The following RPS6KA3 variants were observed in gnomAD, a reference collection of about 807,000 sequenced individuals.
The protein encoded by RPS6KA3 is ribosomal protein S6 kinase alpha-3.
Under a neutral mutation model 67.2 loss-of-function variants are expected in RPS6KA3, and 4 were observed. That is an observed-to-expected ratio of 0.06 (90% confidence interval 0.03 to 0.14). The LOEUF (loss-of-function observed/expected upper bound fraction) is 0.14. Among genes scored for constraint, RPS6KA3 ranks in the 10% least tolerant of loss-of-function variants. The probability of loss-of-function intolerance (pLI) is 1.00; values close to 1 mark genes in which losing one functional copy is unlikely to be tolerated. For synonymous variants in RPS6KA3, 182 were observed against 183.7 expected (o/e 0.99, Z 0.07); for missense variants, 204 against 559.0 (o/e 0.36, Z 6.40).
At chrX:20,211,460 C>T (rs1199387274) in intron 2 of RPS6KA3, among the ~76,000 whole-genome samples, 1 of 109,854 alleles carries the variant, frequency 9.1e-6, no homozygotes, top group Non-Finnish European at 1.9e-5. Context: ...GGCTTATGAC[C>T]CTGGTCTTTG....
chrX:20,222,729 T>C (rs2148761937), intron 2 of RPS6KA3, among the ~76,000 whole-genome samples: 1 of 111,849 alleles, frequency 8.9e-6, no homozygotes, highest in South Asian at 3.7e-4. Flanking sequence ...GTATGAGATA[T>C]AGTGTCCAAT....
intron 3 of RPS6KA3, among the ~76,000 whole-genome samples, chrX:20,205,402 A>G (rs1242074020): frequency 8.9e-6 from 1 of 112,915 alleles, no homozygotes; most frequent in East Asian, 2.8e-4. Flanking sequence ...TCAGGCTATT[A>G]GCACAAAATT....
intron 1 of RPS6KA3, among the ~76,000 whole-genome samples, chrX:20,235,221 G>A (rs2069376928): frequency 9.0e-6 from 1 of 110,632 alleles, no homozygotes. Flanking sequence ...AGAAAATTAA[G>A]CCCAATCTCT....
chrX:20,177,651 A>T (rs1047362554), intron 10 of RPS6KA3, among the ~76,000 whole-genome samples: 1 of 112,520 alleles, frequency 8.9e-6, no homozygotes, highest in African/African-American at 3.2e-5. Context: ...ACAGTGGGAA[A>T]GCCAATTATT....
intron 1 of RPS6KA3, among the ~76,000 whole-genome samples, chrX:20,265,160 G>A (rs1411851990): frequency 9.0e-6 from 1 of 111,407 alleles, no homozygotes; most frequent in Non-Finnish European, 1.9e-5. Flanking sequence ...GATCCAAGTC[G>A]CAAAATACTA....
Position 20,167,667 on chromosome X carries a change from T to C in RPS6KA3, c.1524A>G (p.Gln508=), listed in dbSNP as rs1278680242. The C allele has an allele frequency of 5.0e-6, 6 of 1,200,109 alleles. No homozygotes were observed. In the African/African-American group the frequency reaches 1.1e-4, roughly 21 times the overall value. Residue 508 remains glutamine, a synonymous_variant, in exon 17 of 22, where the codon CAA becomes CAG. Coordinates refer to ENST00000379565, the MANE Select transcript of RPS6KA3 (RefSeq NM_004586.3). Reference sequence around the variant, plus strand: ...TGGCCTCTCGTTCAGAGAAAAATTTTTGTCTAAGAATTTTATCCAGCAATT... The same window carrying C: ...TGGCCTCTCGTTCAGAGAAAAATTTCTGTCTAAGAATTTTATCCAGCAATT... ...GGELLDKILR[Q]KFFSEREASA...
At chrX:20,227,134 C>T (rs189011289) in intron 2 of RPS6KA3, among the ~76,000 whole-genome samples, 38 of 111,307 alleles carry the variant, frequency 3.4e-4, no homozygotes, top group African/African-American at 1.1e-3. Context: ...CACTTCTATT[C>T]CCCCACCTCT....
intron 15 of RPS6KA3, among the ~76,000 whole-genome samples, chrX:20,171,244 G>T (rs1049234994): frequency 2.1e-4 from 24 of 111,983 alleles, no homozygotes; most frequent in African/African-American, 7.8e-4. Flanking sequence ...GTTATACGTG[G>T]ATTTTCAACT....
chrX:20,161,629 G>T lies in RPS6KA3; in HGVS notation c.1959+15C>A. ...GTTATTTTCTCAAAATCTTATAATA[G>T]GAAGTGATACTTACCTTTGCTGTGT... On this transcript the variant is annotated intron_variant, in intron 20 of 21. Transcript: ENST00000379565. 1.1e-6 allele frequency: 1 copy of T among 897,910 alleles called. No homozygotes were observed. The highest frequency in any genetic ancestry group is 2.0e-5 in the African/African-American group (1 of 51,236). The allele number at this position is 897,910 out of a possible 1,213,427, so 74.0% of individuals were successfully genotyped here. A position where few individuals can be genotyped will look rare whatever the true frequency, so the allele number is the denominator to read the frequency against.
In RPS6KA3 at chrX:20,186,343, G is replaced by C. The variant is rs2230488; in HGVS notation, c.798C>G (p.Leu266=). 1 of 1,175,722 alleles carries C rather than the reference G, an allele frequency of 8.5e-7. No homozygotes were observed. The highest frequency in any genetic ancestry group is 1.8e-5 in the African/African-American group (1 of 55,360). Residue 266 remains leucine, a synonymous_variant, in exon 10 of 22, where the codon CTC becomes CTG. Coordinates refer to ENST00000379565, the MANE Select transcript of RPS6KA3 (RefSeq NM_004586.3). ...CTTTTCGATCTTTTCCTTGGAAAGG[G>C]AGTGTACCAGTAAGCATTTCAAACT... ...VLMFEMLTGT[L]PFQGKDRKET... is the part of the protein sequence containing the mutation.
At chrX:20,184,266 C>G (rs2067917366) in intron 10 of RPS6KA3, among the ~76,000 whole-genome samples, 2 of 111,502 alleles carry the variant, frequency 1.8e-5, no homozygotes, top group Non-Finnish European at 3.8e-5. Flanking sequence ...CCAGGCTGGT[C>G]TCGAACTCCT....
chrX:20,259,534 T>A (rs1196767941), intron 1 of RPS6KA3, among the ~76,000 whole-genome samples: 1 of 111,937 alleles, frequency 8.9e-6, no homozygotes, highest in Non-Finnish European at 1.9e-5. Flanking sequence ...ACAAAACTCT[T>A]GACAGTTAAA....
intron 2 of RPS6KA3, among the ~76,000 whole-genome samples, chrX:20,226,357 C>T (rs1003822791): frequency 1.8e-5 from 2 of 111,374 alleles, no homozygotes; most frequent in South Asian, 7.5e-4. Flanking sequence ...AGAGACATCA[C>T]AGGATTAACT....
At chrX:20,250,464 G>A (rs957347369) in intron 1 of RPS6KA3, among the ~76,000 whole-genome samples, 1 of 111,837 alleles carries the variant, frequency 8.9e-6, no homozygotes, top group Non-Finnish European at 1.9e-5. Flanking sequence ...CAAGGTGCTG[G>A]GACTACACCA....
At chrX:20,158,249 C>T (rs995369650) in intron 20 of RPS6KA3, among the ~76,000 whole-genome samples, 18 of 106,542 alleles carry the variant, frequency 1.7e-4, no homozygotes, top group Non-Finnish European at 3.3e-4. Context: ...CCTGTAGTCC[C>T]GGCTGTTCAG....
At chrX:20,234,944 C>T in intron 1 of RPS6KA3, 130 bp from the exon 2 acceptor site, 1 of 510,859 alleles carries the variant, frequency 2.0e-6, no homozygotes, top group Non-Finnish European at 3.5e-6. Context: ...TGAAGTAGAA[C>T]CACCATATGA....
At chrX:20,187,684 A>C in intron 9 of RPS6KA3, 144 bp downstream of exon 9, 1 of 571,661 alleles carries the variant, frequency 1.7e-6, no homozygotes, top group South Asian at 2.5e-5. Context: ...GTCCTTCTAT[A>C]CTGCATGCAA....
intron 2 of RPS6KA3, among the ~76,000 whole-genome samples, chrX:20,210,397 A>G (rs1357888310): frequency 1.8e-5 from 2 of 112,093 alleles, no homozygotes; most frequent in Non-Finnish European, 3.8e-5. Flanking sequence ...TGTTAGTAGA[A>G]TCTCAATGTG....
chrX:20,222,423 C>T (rs1347056539), intron 2 of RPS6KA3, among the ~76,000 whole-genome samples: 2 of 111,683 alleles, frequency 1.8e-5, no homozygotes, highest in Non-Finnish European at 3.8e-5. Flanking sequence ...CCTATGAGTC[C>T]TTTCTGGTCT....
Sources: allele counts gnomAD v4.1 joint callset (sites outside exome capture counted in the v4.1 genomes callset), GRCh38; gene constraint gnomAD v4.1.1; transcripts MANE v1.5; gene names NCBI Gene and HGNC (gene_info 2026-07-23, HGNC 2026-07-21).